ALDH2: variants seen among roughly 807,000 people sequenced by gnomAD.
ALDH2 encodes aldehyde dehydrogenase 2 family member.
A neutral mutation model predicts 59.6 loss-of-function variants in ALDH2; 44 were observed. That is an observed-to-expected ratio of 0.74 (90% CI 0.58 to 0.95). ALDH2 has a LOEUF of 0.95. ALDH2 is among the 40% of genes least tolerant of loss of function. The pLI, the probability that ALDH2 is intolerant of heterozygous loss-of-function variation, is 0.00. For synonymous variants in ALDH2, 291 were observed against 284.0 expected (o/e 1.02, Z -0.25); for missense variants, 570 against 696.3 (o/e 0.82, Z 2.04).
At chr12:111,778,557 A>G (rs1363902752) in intron 1 of ALDH2, among the ~76,000 whole-genome samples, 1 of 150,224 alleles carries the variant, frequency 6.7e-6, no homozygotes, top group East Asian at 2.0e-4. Context: ...AAAAAAAGAA[A>G]AAAAAAACCC....
At chr12:111,780,847 G>A (rs1164398851) in intron 1 of ALDH2, among the ~76,000 whole-genome samples, 1 of 152,168 alleles carries the variant, frequency 6.6e-6, no homozygotes, top group African/African-American at 2.4e-5. Context: ...CTAGGGCTGG[G>A]CATGGTGACT....
chr12:111,798,960 G>T (rs1282154584), intron 10 of ALDH2, among the ~76,000 whole-genome samples: 2 of 151,774 alleles, frequency 1.3e-5, no homozygotes, highest in South Asian at 4.2e-4. Flanking sequence ...AGTGAGCCGA[G>T]ATCGCGCCAC....
chr12:111,792,173 C>T lies in ALDH2; in HGVS notation c.898+10C>T, dbSNP rs374527730. 2.2e-5 allele frequency: 35 copies of T among 1,590,114 alleles called. No homozygotes were observed. The highest frequency in any genetic ancestry group is 2.9e-5 in the Non-Finnish European group (34 of 1,169,898). On this transcript the variant is annotated intron_variant, in intron 8 of 12. Transcript: ENST00000261733. ...ATGTCAGATGCCGATAGTGAGTTTC[C>T]AGCTGGAGAAGGCCTGGCCTTGAAG... is the stretch of plus-strand genomic sequence containing the variant.
At chr12:111,770,188 C>T (rs901252143) in intron 1 of ALDH2, among the ~76,000 whole-genome samples, 7 of 151,942 alleles carry the variant, frequency 4.6e-5, no homozygotes, top group African/African-American at 1.7e-4. Context: ...TCTGCATCAC[C>T]GAATTGCTGT....
chr12:111,778,371 C>A (rs1414724444), intron 1 of ALDH2, among the ~76,000 whole-genome samples: 1 of 151,944 alleles, frequency 6.6e-6, no homozygotes, highest in Non-Finnish European at 1.5e-5. Context: ...ATGGTGAAAC[C>A]CCGTCTCTAC....
At position 111,816,848 on chromosome 12, in the gene ALDH2, A is replaced by G. The variant is rs1214449304; in HGVS notation, c.*7273A>G. ...AAGGCTGAAACTCTTGAGTTTGTTT[A>G]TTTAAATCAAGAATTTTGTTTTGTA... On this transcript the variant is annotated 3_prime_UTR_variant, in exon 13 of 13. Transcript: ENST00000261733. 1 of 152,222 alleles carries G rather than the reference A, an allele frequency of 6.6e-6. No individual in the cohort carries two copies. The highest frequency in any genetic ancestry group is 1.5e-5 in the Non-Finnish European group (1 of 68,040). 9.4% of individuals were successfully genotyped at this position (152,222 alleles called of 1,614,324 possible). A position where few individuals can be genotyped will look rare whatever the true frequency, so the allele number is the denominator to read the frequency against.
chr12:111,771,432 G>A (rs1323126152), intron 1 of ALDH2, among the ~76,000 whole-genome samples: 4 of 152,156 alleles, frequency 2.6e-5, no homozygotes, highest in Non-Finnish European at 5.9e-5. Flanking sequence ...CTTCTTTTAT[G>A]TCAGTAAAAG....
chr12:111,781,914 G>A lies in ALDH2; in HGVS notation c.115-4G>A, dbSNP rs1182896512. On this transcript the variant is annotated splice_polypyrimidine_tract_variant and splice_region_variant and intron_variant, in intron 1 of 12. Transcript: ENST00000261733. Reference sequence around the variant, plus strand: ...CCTGAGAACTTCTTTCCTTCTCATTGTAGATTTTCATAAACAATGAATGGC... The same window carrying A: ...CCTGAGAACTTCTTTCCTTCTCATTATAGATTTTCATAAACAATGAATGGC... 4.3e-6 allele frequency: 7 copies of A among 1,610,398 alleles called. No individual in the cohort carries two copies. Among genetic ancestry groups the A allele is most frequent in the Non-Finnish European group, 5.9e-6 (7 of 1,177,806 alleles).
At chr12:111,791,059 C>G (rs1206589288) in intron 6 of ALDH2, among the ~76,000 whole-genome samples, 1 of 152,106 alleles carries the variant, frequency 6.6e-6, no homozygotes, top group Non-Finnish European at 1.5e-5. Flanking sequence ...AAAAAACAAA[C>G]AAAAACCCAC....
intron 2 of ALDH2, 42 bp downstream of exon 2, chr12:111,782,064 C>T (rs1380066168): frequency 6.8e-7 from 1 of 1,477,440 alleles, no homozygotes; most frequent in East Asian, 2.3e-5. Context: ...ATGGATTCGT[C>T]TTCTATTTTA....
In ALDH2 at chr12:111,790,496, G is replaced by C; in HGVS notation, c.615G>C (p.Val205=). Residue 205 remains valine (V), a synonymous_variant, in exon 6 of 13, where the codon GTG becomes GTC. Transcript: ENST00000261733. ...KLGPALATGN[V]VVMKVAEQTP... is the part of the protein sequence containing the mutation. ...GCCCAGCCTTGGCAACTGGAAACGT[G>C]GTTGTGATGAAGGTAGCTGAGCAGA... 6.2e-7 allele frequency: 1 copy of C among 1,614,174 alleles called. No individual in the cohort carries two copies. The highest frequency in any genetic ancestry group is 1.1e-5 in the South Asian group (1 of 91,074).
chr12:111,786,386 G>A (rs569604442), intron 4 of ALDH2, among the ~76,000 whole-genome samples: 81 of 151,398 alleles, frequency 5.4e-4, no homozygotes, highest in African/African-American at 1.6e-3. Context: ...ACAGGCGCCC[G>A]CCACCATGCC....
At chr12:111,805,132 T>A (rs954991189) in intron 12 of ALDH2, among the ~76,000 whole-genome samples, 2 of 152,192 alleles carry the variant, frequency 1.3e-5, no homozygotes, top group Non-Finnish European at 2.9e-5. Context: ...GTAAAAGCAG[T>A]ATACAAACTA....
intron 1 of ALDH2, 85 bp downstream of exon 1, chr12:111,767,181 C>T: frequency 9.0e-7 from 1 of 1,110,384 alleles, no homozygotes; most frequent in Non-Finnish European, 1.2e-6. Flanking sequence ...CGCCGTGGGC[C>T]TTAGTGTACT....
chr12:111,775,735 G>A (rs979269832), intron 1 of ALDH2: 13 of 453,584 alleles, frequency 2.9e-5, no homozygotes, highest in Non-Finnish European at 4.4e-5. Context: ...GTCGAGCTTC[G>A]GGTTTCTGGT....
intron 9 of ALDH2, among the ~76,000 whole-genome samples, chr12:111,795,647 A>G (rs1164025981): frequency 6.8e-6 from 1 of 147,864 alleles, no homozygotes; most frequent in Non-Finnish European, 1.5e-5. Flanking sequence ...GCTGGAGTAC[A>G]GTGGCACGAT....
At chr12:111,802,974 C>G (rs111758017) in intron 11 of ALDH2, among the ~76,000 whole-genome samples, 1 of 151,458 alleles carries the variant, frequency 6.6e-6, no homozygotes, top group Non-Finnish European at 1.5e-5. Flanking sequence ...AGGCATATCA[C>G]GAAGTCAAGA....
chr12:111,780,585 C>T (rs2068264387), intron 1 of ALDH2, among the ~76,000 whole-genome samples: 1 of 152,180 alleles, frequency 6.6e-6, no homozygotes, highest in African/African-American at 2.4e-5. Context: ...CTCAGGGTGA[C>T]CTGCCCCTAC....
At chr12:111,808,202 C>A (rs569472646) in intron 12 of ALDH2, among the ~76,000 whole-genome samples, 15 of 152,028 alleles carry the variant, frequency 9.9e-5, no homozygotes, top group Non-Finnish European at 2.2e-4. Flanking sequence ...TAAAAGATTG[C>A]TCTGCTTAAT....
Sources: gnomAD v4.1 joint callset for allele counts (sites outside exome capture counted in the v4.1 genomes callset) on GRCh38, gnomAD v4.1.1 for gene constraint, MANE v1.5 for transcripts, NCBI Gene and HGNC (gene_info 2026-07-23, HGNC 2026-07-21) for gene names.